Variants in ZNF721 observed in about 807,000 individuals in gnomAD.
ZNF721 encodes zinc finger protein 721.
In ZNF721, 2 loss-of-function variants were observed where a neutral mutation model predicts 2.4. That is an observed-to-expected ratio of 0.82 (90% confidence interval 0.34 to 2.58). The LOEUF (loss-of-function observed/expected upper bound fraction) is 2.58. Among genes scored for constraint, ZNF721 ranks in the 30% most tolerant of loss-of-function variants. ZNF721 has a pLI of 0.11. For synonymous variants in ZNF721, 398 were observed against 381.8 expected, an observed-to-expected ratio of 1.04 and a Z score of -0.50; for missense variants, 1,187 against 1,085.5, an observed-to-expected ratio of 1.09 and a Z score of -1.31.
chr4:485,727 GC>G (rs1406793057), intron 1 of ZNF721, among the ~76,000 whole-genome samples: 3 of 152,176 alleles, frequency 2.0e-5, no homozygotes, highest in African/African-American at 7.2e-5. Flanking sequence ...TGTAATCCCA[GC>G]ACTTTGGGAG....
chr4:490,461 C>T (rs868975801), intron 1 of ZNF721, among the ~76,000 whole-genome samples: 13 of 149,600 alleles, frequency 8.7e-5, no homozygotes, highest in Middle Eastern at 3.4e-3. Flanking sequence ...AGAGTGAGAC[C>T]CGTCTCAAAA....
At chr4:449,524 G>A (rs1173774549) in intron 2 of ZNF721, among the ~76,000 whole-genome samples, 3 of 151,980 alleles carry the variant, frequency 2.0e-5, no homozygotes, top group South Asian at 2.1e-4. Flanking sequence ...ACACAGTACA[G>A]AGCAAAGAAT....
intron 2 of ZNF721, among the ~76,000 whole-genome samples, chr4:458,429 GA>G (rs1293317604): frequency 2.6e-5 from 4 of 152,184 alleles, no homozygotes; most frequent in African/African-American, 4.8e-5. Context: ...TATAATGACT[GA>G]AAGAGGTATT....
chr4:488,534 T>G (rs1715949179), intron 1 of ZNF721, among the ~76,000 whole-genome samples: 1 of 152,142 alleles, frequency 6.6e-6, no homozygotes, highest in African/African-American at 2.4e-5. Context: ...CTGTATGATA[T>G]TTAAAAGAAA....
At chr4:463,095 G>T (rs544959181) in intron 2 of ZNF721, among the ~76,000 whole-genome samples, 11 of 152,180 alleles carry the variant, frequency 7.2e-5, no homozygotes, top group South Asian at 4.1e-4. Flanking sequence ...AGTGGGCAAA[G>T]GATATGAACA....
intron 1 of ZNF721, chr4:473,845 C>T (rs1715542126): frequency 9.0e-7 from 1 of 1,113,960 alleles, no homozygotes; most frequent in African/African-American, 1.6e-5. Context: ...GGGTCCCTCA[C>T]CGGAGGGGAC....
In ZNF721 at chr4:444,282, T is replaced by C. The variant is rs374660586; in HGVS notation, c.185A>G (p.Gln62Arg). The C allele has an allele frequency of 1.1e-4, 181 of 1,613,996 alleles. No individual in the cohort carries two copies. The African/African-American group carries it at 1.2e-3, about 10-fold the overall frequency. Residue 62 changes from glutamine to arginine, a missense_variant, in exon 3 of 3, where the codon CAG (glutamine) becomes CGG (arginine). Gln to Arg is a conservative substitution (Grantham distance 43). Transcript: ENST00000511833. ...ATTAATTCCATTATAAACTCCCTTC[T>C]GCACTTTACACACGTTCATACTTTT... ...GCKSMNVCKV[Q>R]KGVYNGINKC... is the part of the protein sequence containing the mutation.
intron 2 of ZNF721, 29 bp downstream of exon 2, chr4:472,546 T>C: frequency 6.3e-7 from 1 of 1,584,290 alleles, no homozygotes; most frequent in Non-Finnish European, 8.5e-7. Flanking sequence ...GAGGGAGTAT[T>C]AGGAATTATG....
In ZNF721 at chr4:442,542, T is replaced by C; in HGVS notation, c.1925A>G (p.Lys642Arg). ...AAAGGCTTTGCCACACTCTTCACAT[T>C]TGTAAGGTTTCTCCCCAGTGTAAAT... ...KKIYTGEKPY[K>R]CEECGKAFAP... Residue 642 changes from lysine (K) to arginine (R), a missense_variant, in exon 3 of 3, where the codon AAA (lysine) becomes AGA (arginine). By Grantham distance (26) the Lys-to-Arg change is conservative. Transcript: ENST00000511833. 1 of 1,613,820 alleles carries C rather than the reference T, an allele frequency of 6.2e-7. No homozygotes were observed. The highest frequency in any genetic ancestry group is 8.5e-7 in the Non-Finnish European group (1 of 1,179,820).
Position 472,584 on chromosome 4 carries a change from C to T in ZNF721, c.25G>A (p.Val9Ile). The stretch of plus-strand genomic sequence containing the variant: ...TTAAAGTTATCCTCACCTAGGGAGA[C>T]CAGGTTTCTGTAGTTCTCCAACATC... MLENYRNL[V>I]SLAMCSHFTQ... The change falls in exon 2 of 3, where the codon GTC (valine) becomes ATC (isoleucine). Residue 9 changes from valine (V) to isoleucine (I), a missense_variant. Val to Ile is a conservative substitution (Grantham distance 29). Coordinates refer to ENST00000511833, the MANE Select transcript of ZNF721 (RefSeq NM_133474.4). The T allele has an allele frequency of 1.2e-6, 2 of 1,611,700 alleles. No homozygotes were observed. Among genetic ancestry groups the T allele is most frequent in the Non-Finnish European group, 1.7e-6 (2 of 1,179,490 alleles).
intron 2 of ZNF721, among the ~76,000 whole-genome samples, chr4:449,241 G>C (rs1560227875): frequency 6.6e-6 from 1 of 152,086 alleles, no homozygotes; most frequent in Non-Finnish European, 1.5e-5. Flanking sequence ...ATATCTAAAA[G>C]AGATAGAGGT....
intron 2 of ZNF721, among the ~76,000 whole-genome samples, chr4:468,067 CAGG>C: frequency 6.6e-6 from 1 of 152,216 alleles, no homozygotes; most frequent in Non-Finnish European, 1.5e-5. Flanking sequence ...ATCACGAGGT[CAGG>C]AGATCGAGAC....
chr4:472,219 C>T (rs1553867767), intron 2 of ZNF721, among the ~76,000 whole-genome samples: 3 of 152,152 alleles, frequency 2.0e-5, no homozygotes, highest in African/African-American at 7.2e-5. Flanking sequence ...TGCCACCATG[C>T]CCAGCTAGTT....
At position 441,367 on chromosome 4, in the gene ZNF721, T is replaced by C. The variant is rs868928587; in HGVS notation, c.*328A>G. The C allele has an allele frequency of 2.0e-5, 4 of 200,876 alleles. No homozygotes were observed. Among genetic ancestry groups the C allele is most frequent in the Non-Finnish European group, 3.0e-5 (3 of 99,090 alleles). The allele number at this position is 200,876 out of a possible 1,614,324, so 12.4% of individuals were successfully genotyped here. On this transcript the variant is annotated 3_prime_UTR_variant, in exon 3 of 3. Coordinates refer to ENST00000511833, the MANE Select transcript of ZNF721 (RefSeq NM_133474.4). The stretch of plus-strand genomic sequence containing the variant: ...AGCATTGGTTACAAGTTTTGCCACA[T>C]TTTTTGTATTTCCAGGTGTTTTCTT...
Position 442,514 on chromosome 4 carries a change from G to A in ZNF721, c.1953C>T (p.Ala651=). 1.2e-6 allele frequency: 2 copies of A among 1,602,840 alleles called. No homozygotes were observed. Among genetic ancestry groups the A allele is most frequent in the Non-Finnish European group, 1.7e-6 (2 of 1,176,242 alleles). Reference sequence around the variant, plus strand: ...TGTGTTGATTCAGGTCTGTTGATGGGGCAAAGGCTTTGCCACACTCTTCAC... The same window carrying A: ...TGTGTTGATTCAGGTCTGTTGATGGAGCAAAGGCTTTGCCACACTCTTCAC... ...YKCEECGKAF[A]PSTDLNQHTK... The change falls in exon 3 of 3, where the codon GCC becomes GCT. Residue 651 remains alanine, a synonymous_variant. Transcript: ENST00000511833.
chr4:451,553 A>C (rs1459183861), intron 2 of ZNF721, among the ~76,000 whole-genome samples: 1 of 152,162 alleles, frequency 6.6e-6, no homozygotes, highest in East Asian at 1.9e-4. Flanking sequence ...CTGGTGGTGA[A>C]TTCTCCATAG....
At chr4:460,641 A>AAT (rs1715035630) in intron 2 of ZNF721, among the ~76,000 whole-genome samples, 2 of 151,408 alleles carry the variant, frequency 1.3e-5, no homozygotes, top group African/African-American at 4.9e-5. Flanking sequence ...AAAAAAAAAA[A>AAT]AAATCAACAA....
rs782702532 is a variant in ZNF721 at position 444,447 on chromosome 4, A to G, written c.35-15T>C. The G allele has an allele frequency of 6.5e-7, 1 of 1,548,326 alleles. No individual in the cohort carries two copies. Among genetic ancestry groups the G allele is most frequent in the Non-Finnish European group, 8.7e-7 (1 of 1,151,598 alleles). On this transcript the variant is annotated splice_polypyrimidine_tract_variant and intron_variant, in intron 2 of 2. Transcript: ENST00000511833. ...AGAACACATAGCTGAAAGAAACAAA[A>G]ATAACAAATTATCCCAGTTACTAGA...
chr4:479,085 T>C (rs1553869031), intron 1 of ZNF721, among the ~76,000 whole-genome samples: 1 of 152,102 alleles, frequency 6.6e-6, no homozygotes, highest in African/African-American at 2.4e-5. Context: ...TTTTTAAAAA[T>C]TTCAATATTG....
Sources: gnomAD v4.1 joint callset for allele counts (sites outside exome capture counted in the v4.1 genomes callset) on GRCh38, gnomAD v4.1.1 for gene constraint, MANE v1.5 for transcripts, NCBI Gene and HGNC (gene_info 2026-07-23, HGNC 2026-07-21) for gene names.